The following FRAS1 variants were observed in gnomAD, a reference collection of about 807,000 sequenced individuals.
FRAS1 encodes the protein Fraser extracellular matrix complex subunit 1.
FRAS1 carries 290 observed loss-of-function variants against 435.2 expected under a neutral mutation model. The ratio of observed to expected loss-of-function variants is 0.67; its 90% CI spans 0.61 to 0.73. FRAS1 has a LOEUF of 0.73. FRAS1 is among the 30% of genes least tolerant of loss of function. The probability of loss-of-function intolerance (pLI) is 0.00; values close to 1 mark genes in which losing one functional copy is unlikely to be tolerated. For synonymous variants in FRAS1, 1,800 were observed against 1,851.0 expected (o/e 0.97, Z 0.71); for missense variants, 4,860 against 5,001.5 (o/e 0.97, Z 0.85).
In FRAS1 at chr4:78,539,370, CT is replaced by C. The variant is rs747509511; in HGVS notation, c.11376del (p.Asp3793IlefsTer16). The C allele has an allele frequency of 6.2e-7, 1 of 1,612,646 alleles. No homozygotes were observed. The highest frequency in any genetic ancestry group is 8.5e-7 in the Non-Finnish European group (1 of 1,179,338). On this transcript the variant is annotated frameshift_variant, in exon 73 of 74. Transcript: ENST00000512123. LOFTEE classifies it high-confidence loss of function. ...PFEAHFASEL[P>X]DFHVVSNMPG... ...GAGGCTCACTTTGCCTCTGAGTTGC[CT>C]GATTTCCATGTGGTCAGTAACATGC... is the stretch of plus-strand genomic sequence containing the variant.
At chr4:78,073,710 T>C (rs1451272404) in intron 2 of FRAS1, among the ~76,000 whole-genome samples, 1 of 152,206 alleles carries the variant, frequency 6.6e-6, no homozygotes, top group Non-Finnish European at 1.5e-5. Context: ...GTTCTCTGCT[T>C]ACCAAGGGAA....
Position 78,372,838 on chromosome 4 carries a change from A to T in FRAS1, c.2990A>T (p.Gln997Leu), listed in dbSNP as rs1682687796. 4 of 1,612,780 alleles carry T rather than the reference A, an allele frequency of 2.5e-6. No individual in the cohort carries two copies. The highest frequency in any genetic ancestry group is 3.4e-6 in the Non-Finnish European group (4 of 1,179,672). The change falls in exon 24 of 74, where the codon CAG (glutamine) becomes CTG (leucine). Residue 997 changes from glutamine to leucine, a missense_variant. Gln to Leu is a moderately radical substitution (Grantham distance 113). Coordinates refer to ENST00000512123, the MANE Select transcript of FRAS1 (RefSeq NM_025074.7). ...CVEQCLSSFY[Q>L]DSGLCKNCDS... ...GAGCAGTGCTTGTCATCATTTTACC[A>T]GGACTCGGGCCTCTGCAAGAGTAAG...
chr4:78,419,673 A>G (rs1047852024), intron 33 of FRAS1, among the ~76,000 whole-genome samples: 7 of 152,198 alleles, frequency 4.6e-5, no homozygotes, highest in Middle Eastern at 3.2e-3. Flanking sequence ...TCATATTGGT[A>G]TAAAGAAATA....
rs537147482 is a variant in FRAS1 at position 78,128,201 on chromosome 4, C to T, written c.108+62185C>T. Among the ~76,000 whole-genome samples the T allele has an allele frequency of 1.2e-4, 19 of 152,080 alleles. No homozygotes were observed. The East Asian group carries it at 3.3e-3, about 26-fold the overall frequency. ...AAGTCTTTGCTATTGTGAATAGTGCCACAATAAACATACGTGTGCATGTGT... is the reference window on the plus strand; with the variant it reads ...AAGTCTTTGCTATTGTGAATAGTGCTACAATAAACATACGTGTGCATGTGT... On this transcript the variant is annotated intron_variant, in intron 2 of 73. Transcript: ENST00000512123.
chr4:78,480,600 T>A (rs1004341120), intron 56 of FRAS1, among the ~76,000 whole-genome samples: 1 of 152,172 alleles, frequency 6.6e-6, no homozygotes, highest in Non-Finnish European at 1.5e-5. Flanking sequence ...TCTCCAAAGT[T>A]TCAGTGTCTT....
intron 13 of FRAS1, among the ~76,000 whole-genome samples, chr4:78,285,533 G>A (rs932436960): frequency 1.3e-5 from 2 of 151,062 alleles, no homozygotes; most frequent in Non-Finnish European, 2.9e-5. Context: ...CCGGGTTCAA[G>A]CGATTCTCCT....
chr4:78,101,495 AT>A (rs1391376746), intron 2 of FRAS1, among the ~76,000 whole-genome samples: 1 of 152,024 alleles, frequency 6.6e-6, no homozygotes. Context: ...TCCCACCTGC[AT>A]TTTCCCCACT....
intron 18 of FRAS1, among the ~76,000 whole-genome samples, chr4:78,330,811 C>A (rs1020712952): frequency 3.9e-5 from 6 of 152,350 alleles, no homozygotes; most frequent in East Asian, 3.9e-4. Context: ...AATTTCGCCT[C>A]GGTCCTGTGG....
Position 78,533,936 on chromosome 4 carries a change from A to G in FRAS1, c.10926-513A>G, listed in dbSNP as rs116205202. Among the ~76,000 whole-genome samples the G allele has an allele frequency of 3.9e-3, 601 of 152,294 alleles. 6 individuals carry two copies. Among genetic ancestry groups the G allele is most frequent in the African/African-American group, 0.013 (558 of 41,548 alleles). ...AAGGGTCCCAGAACTGAGCCTTGGG[A>G]GCGCTTATCTGCCAGAAGGAGACAC... On this transcript the variant is annotated intron_variant, in intron 70 of 73. Transcript: ENST00000512123.
chr4:78,326,760 C>G (rs1322729266), intron 18 of FRAS1, among the ~76,000 whole-genome samples: 2 of 152,074 alleles, frequency 1.3e-5, no homozygotes, highest in African/African-American at 4.8e-5. Context: ...CTGGGGGAAG[C>G]TTCAATATTT....
At chr4:78,389,711 T>G (rs1732370244) in intron 29 of FRAS1, among the ~76,000 whole-genome samples, 1 of 152,138 alleles carries the variant, frequency 6.6e-6, no homozygotes, top group African/African-American at 2.4e-5. Flanking sequence ...AGCAGCTGCC[T>G]TTCCTATTGT....
chr4:78,394,264 G>A (rs1262366174), intron 29 of FRAS1, among the ~76,000 whole-genome samples: 1 of 151,812 alleles, frequency 6.6e-6, no homozygotes, highest in East Asian at 1.9e-4. Context: ...TGATTTCAAT[G>A]CCATATCCAA....
intron 20 of FRAS1, among the ~76,000 whole-genome samples, chr4:78,361,597 T>C (rs1284715513): frequency 6.6e-6 from 1 of 152,086 alleles, no homozygotes; most frequent in East Asian, 1.9e-4. Context: ...GAAAGGGAGA[T>C]CTGCTTCGTG....
At chr4:78,291,619 T>C (rs1489142551) in intron 14 of FRAS1, among the ~76,000 whole-genome samples, 3 of 152,234 alleles carry the variant, frequency 2.0e-5, no homozygotes, top group Admixed American at 6.5e-5. Flanking sequence ...TCCTTGTTCC[T>C]TTTATTTCAT....
At chr4:78,362,053 A>C (rs1259966197) in intron 20 of FRAS1, among the ~76,000 whole-genome samples, 1 of 152,230 alleles carries the variant, frequency 6.6e-6, no homozygotes, top group Non-Finnish European at 1.5e-5. Flanking sequence ...CTATTATGTG[A>C]GTGAGAACAA....
intron 2 of FRAS1, among the ~76,000 whole-genome samples, chr4:78,226,489 C>T (rs572833669): frequency 1.3e-5 from 2 of 150,598 alleles, no homozygotes; most frequent in African/African-American, 4.9e-5. Flanking sequence ...TGTTTTCATT[C>T]AGCAATTTAA....
At chr4:78,175,360 A>G (rs1721723465) in intron 2 of FRAS1, among the ~76,000 whole-genome samples, 1 of 152,148 alleles carries the variant, frequency 6.6e-6, no homozygotes, top group African/African-American at 2.4e-5. Flanking sequence ...CTGGGTGGCA[A>G]CATCTCCCAT....
At chr4:78,513,593 C>T in intron 65 of FRAS1, 41 bp downstream of exon 65, 15 of 1,572,698 alleles carry the variant, frequency 9.5e-6, no homozygotes, top group Non-Finnish European at 1.3e-5. Flanking sequence ...CCATGCTAGC[C>T]CAGTGCAGTT....
At chr4:78,369,478 A>G (rs924982143) in intron 22 of FRAS1, among the ~76,000 whole-genome samples, 2 of 152,200 alleles carry the variant, frequency 1.3e-5, no homozygotes, top group South Asian at 4.1e-4. Context: ...ACCTGAATCT[A>G]CATTATGAAC....
Sources: gnomAD v4.1 joint callset for allele counts (sites outside exome capture counted in the v4.1 genomes callset) on GRCh38, gnomAD v4.1.1 for gene constraint, MANE v1.5 for transcripts, NCBI Gene and HGNC (gene_info 2026-07-23, HGNC 2026-07-21) for gene names.